Variants in CADM2 observed in about 807,000 individuals in gnomAD.
The protein encoded by CADM2 is immunoglobulin superfamily member 4D.
In CADM2, 12 loss-of-function variants were observed where a neutral mutation model predicts 49.8. That is an observed-to-expected ratio of 0.24 (90% CI 0.15 to 0.39). The LOEUF (loss-of-function observed/expected upper bound fraction) is 0.39, where lower values mean the gene tolerates loss of function less well. Among genes scored for constraint, CADM2 ranks in the 10% least tolerant of loss-of-function variants. The probability of loss-of-function intolerance (pLI) is 1.00; values close to 1 mark genes in which losing one functional copy is unlikely to be tolerated. For missense variants in CADM2, 378 were observed against 492.3 expected, an observed-to-expected ratio of 0.77 and a Z score of 2.20; for synonymous variants, 214 against 175.4, an observed-to-expected ratio of 1.22 and a Z score of -1.74.
At chr3:84,990,304 T>A (rs908251229) in intron 1 of CADM2, among the ~76,000 whole-genome samples, 5 of 151,620 alleles carry the variant, frequency 3.3e-5, no homozygotes, top group African/African-American at 1.2e-4. Context: ...ATTTATATAT[T>A]TTTTTAATTT....
At chr3:85,478,938 A>T (rs2107622780) in intron 1 of CADM2, among the ~76,000 whole-genome samples, 1 of 151,648 alleles carries the variant, frequency 6.6e-6, no homozygotes, top group East Asian at 1.9e-4. Flanking sequence ...TTTTGTTTTT[A>T]TTTTATTTTA....
intron 3 of CADM2, among the ~76,000 whole-genome samples, chr3:85,882,817 A>G (rs1713010412): frequency 6.6e-6 from 1 of 152,230 alleles, no homozygotes; most frequent in Admixed American, 6.5e-5. Flanking sequence ...TATCAGCTCA[A>G]GTTGAAATAG....
At chr3:85,348,427 C>T (rs1303245257) in intron 1 of CADM2, among the ~76,000 whole-genome samples, 1 of 152,168 alleles carries the variant, frequency 6.6e-6, no homozygotes, top group African/African-American at 2.4e-5. Flanking sequence ...CTGGGTACCC[C>T]ATGGCTCAGT....
At chr3:85,268,536 C>T (rs2043170263) in intron 1 of CADM2, among the ~76,000 whole-genome samples, 1 of 151,230 alleles carries the variant, frequency 6.6e-6, no homozygotes. Context: ...GATTTTACTA[C>T]TTTAATAAAT....
At chr3:85,777,422 A>AT (rs1329440522) in intron 2 of CADM2, among the ~76,000 whole-genome samples, 1 of 151,826 alleles carries the variant, frequency 6.6e-6, no homozygotes, top group African/African-American at 2.4e-5. Flanking sequence ...TGCCTGGCTA[A>AT]TTTTTTTGTT....
At chr3:85,469,602 A>C (rs2038677360) in intron 1 of CADM2, among the ~76,000 whole-genome samples, 1 of 152,190 alleles carries the variant, frequency 6.6e-6, no homozygotes, top group Non-Finnish European at 1.5e-5. Flanking sequence ...GAGAAATACA[A>C]TTTAAGTTAA....
chr3:85,014,308 A>C (rs181602459), intron 1 of CADM2, among the ~76,000 whole-genome samples: 61 of 151,662 alleles, frequency 4.0e-4, no homozygotes, highest in Admixed American at 2.4e-3. Flanking sequence ...CCACCTTCTC[A>C]TCACATAACA....
rs1161047017 is a variant in CADM2, at chr3:86,070,105, T to A, written c.*3322T>A. The A allele has an allele frequency of 6.6e-6, 1 of 151,996 alleles. No individual in the cohort carries two copies. The highest frequency in any genetic ancestry group is 1.5e-5 in the Non-Finnish European group (1 of 67,878). The allele number at this position is 151,996 out of a possible 1,614,324, so 9.4% of individuals were successfully genotyped here. On this transcript the variant is annotated 3_prime_UTR_variant, in exon 10 of 10. Coordinates refer to ENST00000383699, the MANE Select transcript of CADM2 (RefSeq NM_001167675.2). ...GGAGTTTAATCTAGAAACTGGATGA[T>A]CTCATATTGATTCATGATGCTTAAT...
chr3:85,907,805 G>A (rs955872721), intron 5 of CADM2, among the ~76,000 whole-genome samples: 10 of 151,958 alleles, frequency 6.6e-5, no homozygotes, highest in African/African-American at 1.9e-4. Context: ...CAGCTACTCA[G>A]GAGGCTGAGG....
intron 1 of CADM2, among the ~76,000 whole-genome samples, chr3:85,290,960 G>A (rs571784433): frequency 2.6e-5 from 4 of 152,238 alleles, no homozygotes; most frequent in African/African-American, 7.2e-5. Flanking sequence ...TGAGCTGAGA[G>A]AAGAAGGCTT....
intron 8 of CADM2, among the ~76,000 whole-genome samples, chr3:86,054,114 A>C (rs1029006471): frequency 2.0e-5 from 3 of 152,046 alleles, no homozygotes; most frequent in Admixed American, 2.0e-4. Context: ...TGAAAAAGCA[A>C]TCAGAGAACA....
chr3:85,630,094 C>T (rs966955217), intron 1 of CADM2, among the ~76,000 whole-genome samples: 1 of 151,968 alleles, frequency 6.6e-6, no homozygotes, highest in Non-Finnish European at 1.5e-5. Context: ...ATTTGCAACA[C>T]ATATGTTCTG....
intron 1 of CADM2, among the ~76,000 whole-genome samples, chr3:85,089,332 T>C (rs1439677546): frequency 6.6e-6 from 1 of 152,040 alleles, no homozygotes; most frequent in Non-Finnish European, 1.5e-5. Context: ...CCCTGAAAAA[T>C]TGCCCCATTT....
At chr3:85,339,024 T>A (rs1193223804) in intron 1 of CADM2, among the ~76,000 whole-genome samples, 16 of 151,550 alleles carry the variant, frequency 1.1e-4, no homozygotes, top group Non-Finnish European at 1.5e-5. Flanking sequence ...AAAATTATTT[T>A]GCCCTACTCT....
chr3:85,124,144 T>C (rs1575924307), intron 1 of CADM2, among the ~76,000 whole-genome samples: 1 of 152,206 alleles, frequency 6.6e-6, no homozygotes, highest in East Asian at 1.9e-4. Flanking sequence ...ACTGGGAAGA[T>C]AGGGGCACAA....
intron 1 of CADM2, among the ~76,000 whole-genome samples, chr3:85,636,933 G>A (rs1311690853): frequency 6.6e-6 from 1 of 152,090 alleles, no homozygotes; most frequent in Non-Finnish European, 1.5e-5. Context: ...GCTTGTCTCA[G>A]AATGTATTCC....
In CADM2 at chr3:85,212,812, C is replaced by CTCTTTCTTTCTTTCTTTCTTTCTTTCTT. The variant is rs61255712; in HGVS notation, c.61+253192_61+253219dup. ...CTTCAGATATTTTCTTCTTTTTCTT[C>CTCTTTCTTTCTTTCTTTCTTTCTTTCTT]TCTTTCTTTCTTTCTTTCTTTCTTT... is the stretch of plus-strand genomic sequence containing the variant. On this transcript the variant is annotated intron_variant, in intron 1 of 9. Coordinates refer to ENST00000383699, the MANE Select transcript of CADM2 (RefSeq NM_001167675.2). Among the ~76,000 whole-genome samples the CTCTTTCTTTCTTTCTTTCTTTCTTTCTT allele has an allele frequency of 1.0e-3, 104 of 102,640 alleles. 1 individual carries two copies. The highest frequency in any genetic ancestry group is 2.3e-3 in the East Asian group (7 of 3,094). 67.3% of individuals were successfully genotyped at this position (102,640 alleles called of 152,430 possible). A position where few individuals can be genotyped will look rare whatever the true frequency, so the allele number is the denominator to read the frequency against.
chr3:85,600,956 T>C (rs1265786116), intron 1 of CADM2, among the ~76,000 whole-genome samples: 4 of 150,618 alleles, frequency 2.7e-5, no homozygotes, highest in Non-Finnish European at 4.4e-5. Flanking sequence ...TCATTGAAAT[T>C]TGAGAAAACG....
rs181034034 is a variant in CADM2 at position 85,212,283 on chromosome 3, G to C, written c.61+252615G>C. 2.6e-5 allele frequency among the ~76,000 whole-genome samples: 4 copies of C among 152,188 alleles called. No individual in the cohort carries two copies. In the East Asian group the frequency reaches 7.7e-4, roughly 29 times the overall value. Reference sequence around the variant, plus strand: ...TCCATTCACATTCAGTGTTGTTATTGATAAGTAAGGACATACTCCTGCCAT... The same window carrying C: ...TCCATTCACATTCAGTGTTGTTATTCATAAGTAAGGACATACTCCTGCCAT... On this transcript the variant is annotated intron_variant, in intron 1 of 9. Transcript: ENST00000383699.
Sources: allele counts gnomAD v4.1 joint callset (sites outside exome capture counted in the v4.1 genomes callset), GRCh38; gene constraint gnomAD v4.1.1; transcripts MANE v1.5; gene names NCBI Gene and HGNC (gene_info 2026-07-23, HGNC 2026-07-21).